FSTL4: variants seen among roughly 807,000 people sequenced by gnomAD.
FSTL4 encodes the protein follistatin like 4.
Under a neutral mutation model 78.2 loss-of-function variants are expected in FSTL4, and 28 were observed. The observed-to-expected ratio is 0.36, with a 90% CI of 0.27 to 0.49. The LOEUF is 0.49. Ranked by LOEUF, FSTL4 falls within the 20% of genes least tolerant of loss-of-function variation. The pLI is 0.98. For missense variants in FSTL4, 922 were observed against 1,084.9 expected, an observed-to-expected ratio of 0.85 and a Z score of 2.11; for synonymous variants, 422 against 440.5, an observed-to-expected ratio of 0.96 and a Z score of 0.53.
At chr5:133,391,961 G>A (rs1278137790) in intron 4 of FSTL4, among the ~76,000 whole-genome samples, 1 of 152,160 alleles carries the variant, frequency 6.6e-6, no homozygotes, top group African/African-American at 2.4e-5. Context: ...GCTCTGTTTT[G>A]TTCCCTGCTG....
At chr5:133,512,993 T>C (rs935248934) in intron 3 of FSTL4, among the ~76,000 whole-genome samples, 4 of 152,094 alleles carry the variant, frequency 2.6e-5, no homozygotes, top group African/African-American at 9.7e-5. Context: ...AATTTTTATA[T>C]TACTTTTAGT....
chr5:133,755,685 TC>T, the FSTL4 span, among the ~76,000 whole-genome samples: 2 of 152,226 alleles, frequency 1.3e-5, no homozygotes, highest in African/African-American at 4.8e-5. Flanking sequence ...TCCATGTAGA[TC>T]ATAGCCAGCT....
the FSTL4 span, among the ~76,000 whole-genome samples, chr5:133,646,033 G>A: frequency 6.6e-6 from 1 of 152,180 alleles, no homozygotes; most frequent in African/African-American, 2.4e-5. Context: ...ATCCAGTCAT[G>A]ATCAAGAAAG....
chr5:133,329,824 T>C (rs1204040208), intron 4 of FSTL4, among the ~76,000 whole-genome samples: 1 of 152,174 alleles, frequency 6.6e-6, no homozygotes, highest in Non-Finnish European at 1.5e-5. Context: ...ACCTGGCATC[T>C]CATCTGAATT....
chr5:133,697,682 G>A, the FSTL4 span, among the ~76,000 whole-genome samples: 2 of 152,200 alleles, frequency 1.3e-5, no homozygotes, highest in African/African-American at 2.4e-5. Flanking sequence ...GGCTTCAGCA[G>A]TCCCCTCTGC....
intron 3 of FSTL4, among the ~76,000 whole-genome samples, chr5:133,427,900 C>T (rs1028726804): frequency 6.6e-6 from 1 of 152,090 alleles, no homozygotes; most frequent in Non-Finnish European, 1.5e-5. Context: ...TCTATAGTTG[C>T]GCCTTCTGGA....
rs919572985 is a variant in FSTL4, at chr5:133,217,307, C to T, written c.1530G>A (p.Arg510=). ...PCQWVSAVNV[R]NRYIYVAQPA... ...GCTGGGCCACATAGATGTACCGGTT[C>T]CGGACATTGACTGCAGATACCCACT... Residue 510 remains arginine (R), a synonymous_variant, in exon 13 of 16, where the codon CGG becomes CGA. Coordinates refer to ENST00000265342, the MANE Select transcript of FSTL4 (RefSeq NM_015082.2). 3 of 1,614,012 alleles carry T rather than the reference C, an allele frequency of 1.9e-6. No individual in the cohort carries two copies. In the Admixed American group the frequency reaches 5.0e-5, roughly 27 times the overall value.
At chr5:133,285,499 T>G (rs1380499779) in intron 6 of FSTL4, among the ~76,000 whole-genome samples, 1 of 152,158 alleles carries the variant, frequency 6.6e-6, no homozygotes, top group Non-Finnish European at 1.5e-5. Flanking sequence ...CCTAAAATAT[T>G]ACCCTCAGAA....
At chr5:133,651,110 A>C in the FSTL4 span, among the ~76,000 whole-genome samples, 1 of 152,166 alleles carries the variant, frequency 6.6e-6, no homozygotes, top group Non-Finnish European at 1.5e-5. Context: ...ATATAATTGC[A>C]TATTAGTTCC....
the FSTL4 span, among the ~76,000 whole-genome samples, chr5:133,729,634 A>G: frequency 6.6e-6 from 1 of 152,182 alleles, no homozygotes; most frequent in African/African-American, 2.4e-5. Flanking sequence ...TCTCTGGATA[A>G]CATTCATTCC....
the FSTL4 span, among the ~76,000 whole-genome samples, chr5:133,825,866 C>A: frequency 6.6e-6 from 1 of 152,330 alleles, no homozygotes; most frequent in Middle Eastern, 3.4e-3. Flanking sequence ...CGAGCTGTCT[C>A]CCCCTGTGCT....
chr5:133,636,665 T>A, the FSTL4 span, among the ~76,000 whole-genome samples: 1 of 152,168 alleles, frequency 6.6e-6, no homozygotes, highest in East Asian at 1.9e-4. Flanking sequence ...ATTACTCATT[T>A]AGTTGAGAGT....
chr5:133,223,057 C>G (rs1031199602), intron 11 of FSTL4, among the ~76,000 whole-genome samples: 9 of 152,228 alleles, frequency 5.9e-5, no homozygotes, highest in African/African-American at 2.2e-4. Context: ...GGGCCTCTTG[C>G]ATTCGTGGTA....
chr5:133,592,708 G>T (rs1296557594), intron 2 of FSTL4, among the ~76,000 whole-genome samples: 1 of 152,046 alleles, frequency 6.6e-6, no homozygotes, highest in East Asian at 1.9e-4. Context: ...CAAGAGAGCT[G>T]GCTTTTAAAT....
intron 3 of FSTL4, among the ~76,000 whole-genome samples, chr5:133,465,847 T>C (rs997992003): frequency 1.3e-5 from 2 of 152,230 alleles, no homozygotes; most frequent in African/African-American, 4.8e-5. Context: ...AAACCAACTC[T>C]AACAGGGATA....
the FSTL4 span, among the ~76,000 whole-genome samples, chr5:133,836,661 A>G: frequency 6.6e-5 from 10 of 151,600 alleles, no homozygotes; most frequent in South Asian, 2.1e-3. Flanking sequence ...TAGGGTGGAT[A>G]TAATAATTTC....
intron 6 of FSTL4, among the ~76,000 whole-genome samples, chr5:133,309,645 C>T (rs1392523129): frequency 6.6e-6 from 1 of 152,186 alleles, no homozygotes; most frequent in Non-Finnish European, 1.5e-5. Context: ...AGGGCCAGGC[C>T]AGCTGCATGG....
chr5:133,503,487 A>C (rs972967824), intron 3 of FSTL4, among the ~76,000 whole-genome samples: 2 of 151,980 alleles, frequency 1.3e-5, no homozygotes, highest in Non-Finnish European at 2.9e-5. Context: ...AGTTGTCTTG[A>C]GGGAATTCAG....
chr5:133,821,201 T>C, the FSTL4 span, among the ~76,000 whole-genome samples: 2 of 152,234 alleles, frequency 1.3e-5, no homozygotes, highest in African/African-American at 4.8e-5. Context: ...ATTCTTCTGA[T>C]TAGTCACAGA....
Sources: allele counts gnomAD v4.1 joint callset (sites outside exome capture counted in the v4.1 genomes callset), GRCh38; gene constraint gnomAD v4.1.1; transcripts MANE v1.5; gene names NCBI Gene and HGNC (gene_info 2026-07-23, HGNC 2026-07-21).